Variants in UBXN7 observed in about 807,000 individuals in gnomAD.
UBXN7 encodes the protein UBX domain protein 7.
A neutral mutation model predicts 58.0 loss-of-function variants in UBXN7; 9 were observed. That is an observed-to-expected ratio of 0.16 (90% confidence interval 0.09 to 0.27). The LOEUF (loss-of-function observed/expected upper bound fraction) is 0.27. UBXN7 is among the 10% of genes least tolerant of loss of function. UBXN7 has a pLI of 1.00. For synonymous variants in UBXN7, 208 were observed against 205.0 expected, an observed-to-expected ratio of 1.01 and a Z score of -0.12; for missense variants, 328 against 599.6, an observed-to-expected ratio of 0.55 and a Z score of 4.73.
chr3:196,363,112 G>A (rs768574541), intron 8 of UBXN7, among the ~76,000 whole-genome samples: 3 of 151,206 alleles, frequency 2.0e-5, no homozygotes, highest in South Asian at 2.1e-4. Flanking sequence ...ATAGAGATGG[G>A]GTTTCACCAC....
intron 8 of UBXN7, among the ~76,000 whole-genome samples, chr3:196,366,127 A>G (rs1728657580): frequency 6.6e-6 from 1 of 152,098 alleles, no homozygotes; most frequent in Non-Finnish European, 1.5e-5. Flanking sequence ...ATCCTGGCCA[A>G]CAAGATTTCT....
intron 3 of UBXN7, among the ~76,000 whole-genome samples, chr3:196,395,539 G>A (rs937314718): frequency 1.3e-5 from 2 of 151,894 alleles, no homozygotes; most frequent in Non-Finnish European, 2.9e-5. Context: ...CATCCTCCTA[G>A]GCTCAAGCCA....
At position 196,354,320 on chromosome 3, in the gene UBXN7, C is replaced by T. The variant is rs1287615738; in HGVS notation, c.*2365G>A. On this transcript the variant is annotated 3_prime_UTR_variant, in exon 11 of 11. Transcript: ENST00000296328. ...TTGGTTTCTCATAAATGAATATGCA[C>T]GTGCTGAACATATCGGAAAGAACCA... The T allele has an allele frequency of 6.6e-6, 1 of 152,148 alleles. No individual in the cohort carries two copies. Among genetic ancestry groups the T allele is most frequent in the African/African-American group, 2.4e-5 (1 of 41,416 alleles). The allele number at this position is 152,148 out of a possible 1,614,324, so 9.4% of individuals were successfully genotyped here.
intron 1 of UBXN7, among the ~76,000 whole-genome samples, chr3:196,409,655 T>C (rs1479722995): frequency 1.3e-5 from 2 of 152,158 alleles, no homozygotes; most frequent in African/African-American, 4.8e-5. Flanking sequence ...TGTAACAATC[T>C]TTGTTATAAA....
In UBXN7 at chr3:196,396,388, C is replaced by T. The variant is rs376407222; in HGVS notation, c.290-2769G>A. Among the ~76,000 whole-genome samples, 1,179 of 131,082 alleles carry T rather than the reference C, an allele frequency of 9.0e-3. 13 individuals are homozygous for T. Among genetic ancestry groups the T allele is most frequent in the African/African-American group, 0.028 (1,093 of 38,862 alleles). 86.0% of individuals were successfully genotyped at this position (131,082 alleles called of 152,430 possible). ...ACAGTCTGTGCAACATACTGACACC[C>T]TGTCTCTTAAAAAAAAAAAAAAAAA... On this transcript the variant is annotated intron_variant, in intron 3 of 10. Coordinates refer to ENST00000296328, the MANE Select transcript of UBXN7 (RefSeq NM_015562.2).
At chr3:196,380,572 C>T (rs1325891569) in intron 5 of UBXN7, among the ~76,000 whole-genome samples, 2 of 152,328 alleles carry the variant, frequency 1.3e-5, no homozygotes, top group Admixed American at 6.5e-5. Context: ...ATGCAGAAGA[C>T]GGACGATTTC....
intron 1 of UBXN7, among the ~76,000 whole-genome samples, chr3:196,426,087 A>C (rs1730839450): frequency 6.6e-6 from 1 of 151,972 alleles, no homozygotes; most frequent in Non-Finnish European, 1.5e-5. Context: ...ACCTCCCTTA[A>C]ATTTCTGAAA....
At chr3:196,424,816 C>T (rs569520560) in intron 1 of UBXN7, among the ~76,000 whole-genome samples, 11 of 151,722 alleles carry the variant, frequency 7.3e-5, no homozygotes, top group Non-Finnish European at 1.3e-4. Flanking sequence ...AATTCTCCTG[C>T]CTCAGCCTCC....
At chr3:196,392,008 T>C in intron 4 of UBXN7, 83 bp from the exon 5 acceptor site, 1 of 822,632 alleles carries the variant, frequency 1.2e-6, no homozygotes, top group Non-Finnish European at 1.8e-6. Flanking sequence ...CACAAACTTC[T>C]GTCAATTGAA....
rs188863832 is a variant in UBXN7 at position 196,378,343 on chromosome 3, G to C, written c.469-6301C>G. 1.4e-3 allele frequency among the ~76,000 whole-genome samples: 216 copies of C among 152,290 alleles called. 1 individual carries two copies. Among genetic ancestry groups the C allele is most frequent in the Non-Finnish European group, 2.0e-3 (139 of 68,030 alleles). The stretch of plus-strand genomic sequence containing the variant: ...GCCAAGTTATAGTAGATGGAATGTA[G>C]ACAGAAGTGCTGGGTACAACTTCTA... On this transcript the variant is annotated intron_variant, in intron 5 of 10. Transcript: ENST00000296328.
chr3:196,402,852 C>T (rs1730035526), intron 3 of UBXN7, 100 bp downstream of exon 3: 1 of 1,327,374 alleles, frequency 7.5e-7, no homozygotes, highest in Non-Finnish European at 1.0e-6. Flanking sequence ...TGACACCACA[C>T]TTCTAACAGT....
chr3:196,379,727 T>C (rs1729142108), intron 5 of UBXN7, among the ~76,000 whole-genome samples: 2 of 152,058 alleles, frequency 1.3e-5, no homozygotes, highest in Admixed American at 6.6e-5. Flanking sequence ...TGATTTTCCT[T>C]TGGGTTGGGG....
rs527666366 is a variant in UBXN7 at position 196,359,860 on chromosome 3, C to T, written c.1308+1984G>A. ...GGCGGAGGTTGCAGTGAGCTGAGAT[C>T]GCACCATTGTACTCTAGCCTGGGTG... On this transcript the variant is annotated intron_variant, in intron 10 of 10. Transcript: ENST00000296328. 2.0e-4 allele frequency among the ~76,000 whole-genome samples: 30 copies of T among 151,410 alleles called. 1 individual carries two copies. In the South Asian group the frequency reaches 5.0e-3, roughly 25 times the overall value.
intron 5 of UBXN7, among the ~76,000 whole-genome samples, chr3:196,386,901 C>T (rs1729422999): frequency 6.6e-6 from 1 of 152,108 alleles, no homozygotes; most frequent in Non-Finnish European, 1.5e-5. Flanking sequence ...CCCACATTGC[C>T]AAGACAATCC....
chr3:196,370,368 T>G lies in UBXN7; in HGVS notation c.616-857A>C, dbSNP rs1178008616. On this transcript the variant is annotated intron_variant, in intron 6 of 10. Transcript: ENST00000296328. ...CAGGAGACTGAGGTGGGAAGATCCC[T>G]TGAGCCTATAGGGGTTAGAGCCTGC... Among the ~76,000 whole-genome samples, 3 of 150,990 alleles carry G rather than the reference T, an allele frequency of 2.0e-5. No homozygotes were observed. The East Asian group carries it at 5.8e-4, about 29-fold the overall frequency.
chr3:196,357,148 T>G lies in UBXN7; in HGVS notation c.1309-302A>C, dbSNP rs7612725. Reference sequence around the variant, plus strand: ...TAAAATTAAATTATTGTTCTCATTTTAAAACATTTTATCCGTTTTCCTTTC... The same window carrying G: ...TAAAATTAAATTATTGTTCTCATTTGAAAACATTTTATCCGTTTTCCTTTC... On this transcript the variant is annotated intron_variant, in intron 10 of 10. Transcript: ENST00000296328. 3.9e-3 allele frequency among the ~76,000 whole-genome samples: 591 copies of G among 152,378 alleles called. 8 individuals are homozygous for G. The highest frequency in any genetic ancestry group is 0.013 in the African/African-American group (557 of 41,592).
intron 1 of UBXN7, among the ~76,000 whole-genome samples, chr3:196,418,594 C>G (rs1344594216): frequency 6.6e-6 from 1 of 152,164 alleles, no homozygotes; most frequent in Non-Finnish European, 1.5e-5. Flanking sequence ...CGAAAGGGAT[C>G]TGCTTCAAAG....
chr3:196,401,247 C>A (rs1450504406), intron 3 of UBXN7, among the ~76,000 whole-genome samples: 1 of 436 alleles, frequency 2.3e-3, no homozygotes. Context: ...CCCCGTCTCT[C>A]CAAAAAAAAA....
chr3:196,351,643 A>G lies in UBXN7; in HGVS notation c.*5042T>C, dbSNP rs893063401. The G allele has an allele frequency of 6.6e-6, 1 of 152,198 alleles. No homozygotes were observed. The highest frequency in any genetic ancestry group is 1.5e-5 in the Non-Finnish European group (1 of 68,044). 9.4% of individuals were successfully genotyped at this position (152,198 alleles called of 1,614,324 possible). ...TTTGTTGTTCTAGAAAAGGCTGAGA[A>G]CTATTAATCTAGTCCAATTATCTCA... On this transcript the variant is annotated 3_prime_UTR_variant, in exon 11 of 11. Coordinates refer to ENST00000296328, the MANE Select transcript of UBXN7 (RefSeq NM_015562.2).
Sources: gnomAD v4.1 joint callset for allele counts (sites outside exome capture counted in the v4.1 genomes callset) on GRCh38, gnomAD v4.1.1 for gene constraint, MANE v1.5 for transcripts, NCBI Gene and HGNC (gene_info 2026-07-23, HGNC 2026-07-21) for gene names.